Variants in MAP3K9 observed in about 807,000 individuals in gnomAD.
MAP3K9 encodes the protein mixed lineage kinase 1 (tyr and ser/thr specificity).
MAP3K9 carries 46 observed loss-of-function variants against 95.8 expected under a neutral mutation model. The ratio of observed to expected loss-of-function variants is 0.48; its 90% CI spans 0.38 to 0.61. The LOEUF is 0.61. Ranked by LOEUF, MAP3K9 falls within the 20% of genes least tolerant of loss-of-function variation. The probability of loss-of-function intolerance (pLI) is 0.00; values close to 1 mark genes in which losing one functional copy is unlikely to be tolerated. For missense variants in MAP3K9, 1,296 were observed against 1,474.3 expected (o/e 0.88, Z 1.98); for synonymous variants, 533 against 593.8 (o/e 0.90, Z 1.49).
At chr14:70,752,729 C>A (rs2054246728) in intron 3 of MAP3K9, among the ~76,000 whole-genome samples, 1 of 152,174 alleles carries the variant, frequency 6.6e-6, no homozygotes, top group South Asian at 2.1e-4. Flanking sequence ...GCCCTAACTA[C>A]CTGGAAAGAT....
intron 5 of MAP3K9, among the ~76,000 whole-genome samples, chr14:70,742,792 G>C (rs543694074): frequency 5.1e-4 from 77 of 152,106 alleles, no homozygotes; most frequent in Middle Eastern, 3.4e-3. Flanking sequence ...GCTCAGAACA[G>C]CCATACTGAC....
chr14:70,769,915 G>C (rs576111297), intron 2 of MAP3K9, among the ~76,000 whole-genome samples: 1 of 152,326 alleles, frequency 6.6e-6, no homozygotes, highest in Non-Finnish European at 1.5e-5. Flanking sequence ...CTTATTGTTT[G>C]TGTGGAGGGT....
intron 2 of MAP3K9, among the ~76,000 whole-genome samples, chr14:70,769,823 A>C (rs1204707698): frequency 6.6e-6 from 1 of 152,200 alleles, no homozygotes; most frequent in Non-Finnish European, 1.5e-5. Context: ...ATTAGGGCCC[A>C]TCCTAATCCA....
chr14:70,730,227 G>T lies in MAP3K9; in HGVS notation c.*153C>A. On this transcript the variant is annotated 3_prime_UTR_variant, in exon 12 of 12. Coordinates refer to ENST00000554752, the MANE Select transcript of MAP3K9 (RefSeq NM_001284230.2). Reference sequence around the variant, plus strand: ...GCAGGGCAGGAGACCCTCTGAAGTGGCCCTGTTTCCATCCCTTCCATCTTC... The same window carrying T: ...GCAGGGCAGGAGACCCTCTGAAGTGTCCCTGTTTCCATCCCTTCCATCTTC... 1.8e-6 allele frequency: 2 copies of T among 1,142,056 alleles called. No individual in the cohort carries two copies. Among genetic ancestry groups the T allele is most frequent in the Non-Finnish European group, 2.4e-6 (2 of 822,840 alleles). The allele number at this position is 1,142,056 out of a possible 1,614,324, so 70.7% of individuals were successfully genotyped here. A position where few individuals can be genotyped will look rare whatever the true frequency, so the allele number is the denominator to read the frequency against.
In MAP3K9 at chr14:70,727,249, A is replaced by C. The variant is rs531551190; in HGVS notation, c.*3131T>G. 1.3e-5 allele frequency: 2 copies of C among 152,316 alleles called. No individual in the cohort carries two copies. Among genetic ancestry groups the C allele is most frequent in the East Asian group, 3.9e-4 (2 of 5,176 alleles). 9.4% of individuals were successfully genotyped at this position (152,316 alleles called of 1,614,324 possible). On this transcript the variant is annotated 3_prime_UTR_variant, in exon 12 of 12. Transcript: ENST00000554752. ...TGCCACAGGATGCCAAGTGAAGAGG[A>C]TCCGCCAAAGCCTCTCAGAAATAAC...
chr14:70,802,595 C>T (rs181710250), intron 1 of MAP3K9, among the ~76,000 whole-genome samples: 2 of 152,338 alleles, frequency 1.3e-5, no homozygotes, highest in Admixed American at 6.5e-5. Flanking sequence ...GATTCATACT[C>T]ATACCTCAGG....
rs1566725078 is a variant in MAP3K9, at chr14:70,730,294, G to C, written c.*86C>G. 1.3e-6 allele frequency: 2 copies of C among 1,511,782 alleles called. No homozygotes were observed. 93.6% of individuals were successfully genotyped at this position (1,511,782 alleles called of 1,614,324 possible). A position where few individuals can be genotyped will look rare whatever the true frequency, so the allele number is the denominator to read the frequency against. ...GCAAGAAGTAGGGCTGGATCTCAGG[G>C]GGTCCAACCCTGAGAAAGGGCTGTG... On this transcript the variant is annotated 3_prime_UTR_variant, in exon 12 of 12. Coordinates refer to ENST00000554752, the MANE Select transcript of MAP3K9 (RefSeq NM_001284230.2).
chr14:70,751,182 C>T (rs553592941), intron 3 of MAP3K9, among the ~76,000 whole-genome samples: 1 of 152,326 alleles, frequency 6.6e-6, no homozygotes, highest in East Asian at 1.9e-4. Flanking sequence ...AATTTCTTTT[C>T]TCGTGTCCTG....
rs1349551835 is a variant in MAP3K9 at position 70,730,803 on chromosome 14, G to C, written c.2892C>G (p.Pro964=). The change falls in exon 12 of 12, where the codon CCC becomes CCG. Residue 964 remains proline, a synonymous_variant. Coordinates refer to ENST00000554752, the MANE Select transcript of MAP3K9 (RefSeq NM_001284230.2). ...DPGEFPRLPD[P]NVVFPPTPRR... Reference sequence around the variant, plus strand: ...TTGGGGTTGGGGGGAAGACCACATTGGGGTCAGGGAGACGGGGGAATTCAC... The same window carrying C: ...TTGGGGTTGGGGGGAAGACCACATTCGGGTCAGGGAGACGGGGGAATTCAC... The C allele has an allele frequency of 5.0e-6, 8 of 1,613,120 alleles. No individual in the cohort carries two copies. The highest frequency in any genetic ancestry group is 6.8e-6 in the Non-Finnish European group (8 of 1,179,954).
chr14:70,753,906 T>C (rs7161415), intron 3 of MAP3K9, among the ~76,000 whole-genome samples: 86,843 of 151,946 alleles, frequency 0.57, 24,946 homozygotes, highest in Middle Eastern at 0.67. Context: ...AGCAACTCCA[T>C]GCCTGTGCTG....
In MAP3K9 at chr14:70,796,348, T is replaced by C. The variant is rs115645314; in HGVS notation, c.820+4319A>G. ...GATGTGGTAAAGTAGTATAAACCAG[T>C]AGTTAAGCCAGGGGTCTGAGCCACA... On this transcript the variant is annotated intron_variant, in intron 2 of 11. Transcript: ENST00000554752. 7.2e-3 allele frequency among the ~76,000 whole-genome samples: 1,093 copies of C among 152,296 alleles called. 14 individuals are homozygous for C. Among genetic ancestry groups the C allele is most frequent in the African/African-American group, 0.025 (1,041 of 41,570 alleles).
chr14:70,805,071 T>A (rs766815537), intron 1 of MAP3K9, among the ~76,000 whole-genome samples: 1 of 152,202 alleles, frequency 6.6e-6, no homozygotes, highest in Non-Finnish European at 1.5e-5. Flanking sequence ...CAAGCTGCAT[T>A]CAGCACATTT....
intron 2 of MAP3K9, among the ~76,000 whole-genome samples, chr14:70,790,096 A>G (rs982784245): frequency 7.9e-5 from 12 of 152,142 alleles, no homozygotes; most frequent in African/African-American, 2.9e-4. Context: ...CTGTCCTTGG[A>G]TTATTGTGAA....
rs567391672 is a variant in MAP3K9 at position 70,763,344 on chromosome 14, C to T, written c.821-2162G>A. ...AGGTAATAATAGGGCTAAAAACTTC[C>T]TATCACCTAGTGATGATGGCAGCTG... On this transcript the variant is annotated intron_variant, in intron 2 of 11. Transcript: ENST00000554752. 4.6e-5 allele frequency among the ~76,000 whole-genome samples: 7 copies of T among 152,320 alleles called. No individual in the cohort carries two copies. The South Asian group carries it at 1.2e-3, about 27-fold the overall frequency.
chr14:70,749,136 G>T, intron 4 of MAP3K9, 132 bp from the exon 5 acceptor site: 1 of 831,200 alleles, frequency 1.2e-6, no homozygotes, highest in Admixed American at 2.8e-5. Flanking sequence ...TCAGAATTTA[G>T]GTAACCTCAA....
In MAP3K9 at chr14:70,762,948, T is replaced by C. The variant is rs539719988; in HGVS notation, c.821-1766A>G. Among the ~76,000 whole-genome samples the C allele has an allele frequency of 3.9e-5, 6 of 152,368 alleles. No individual in the cohort carries two copies. The East Asian group carries it at 9.6e-4, about 24-fold the overall frequency. On this transcript the variant is annotated intron_variant, in intron 2 of 11. Coordinates refer to ENST00000554752, the MANE Select transcript of MAP3K9 (RefSeq NM_001284230.2). ...CGAATTTCATTCTTTTGCATGTGGC[T>C]ATGCAGTTGTCGCAGCCCCATTTGT... is the stretch of plus-strand genomic sequence containing the variant.
Position 70,741,634 on chromosome 14 carries a change from G to A in MAP3K9, c.1567+717C>T, listed in dbSNP as rs1387519834. On this transcript the variant is annotated intron_variant, in intron 6 of 11. Transcript: ENST00000554752. Reference sequence around the variant, plus strand: ...AAAGGTCACATGTAAATCTTATCATGTAAATTCTCATACATTAAACCCAGT... The same window carrying A: ...AAAGGTCACATGTAAATCTTATCATATAAATTCTCATACATTAAACCCAGT... 5.9e-5 allele frequency among the ~76,000 whole-genome samples: 9 copies of A among 152,158 alleles called. No homozygotes were observed. In the East Asian group the frequency reaches 1.2e-3, roughly 20 times the overall value.
At chr14:70,752,373 T>A (rs575466744) in intron 3 of MAP3K9, among the ~76,000 whole-genome samples, 47 of 152,186 alleles carry the variant, frequency 3.1e-4, no homozygotes, top group Non-Finnish European at 5.0e-4. Flanking sequence ...CTCATAGATA[T>A]GTGAGTGAGT....
At chr14:70,754,806 C>A (rs8007131) in intron 3 of MAP3K9, among the ~76,000 whole-genome samples, 135,724 of 152,196 alleles carry the variant, frequency 0.89, 60,583 homozygotes, top group Middle Eastern at 0.94. Flanking sequence ...ATGATTAAGA[C>A]AATGCCTCCA....
Sources: allele counts gnomAD v4.1 joint callset (sites outside exome capture counted in the v4.1 genomes callset), GRCh38; gene constraint gnomAD v4.1.1; transcripts MANE v1.5; gene names NCBI Gene and HGNC (gene_info 2026-07-23, HGNC 2026-07-21).